Variants in XPO4 observed in about 807,000 individuals in gnomAD.
XPO4 encodes the protein exportin 4.
In XPO4, 39 loss-of-function variants were observed where a neutral mutation model predicts 143.0. That is an observed-to-expected ratio of 0.27 (90% CI 0.21 to 0.36). XPO4 has a LOEUF of 0.36. XPO4 is among the 10% of genes least tolerant of loss of function. The pLI is 1.00. For missense variants in XPO4, 907 were observed against 1,348.0 expected, an observed-to-expected ratio of 0.67 and a Z score of 5.12; for synonymous variants, 439 against 474.0, an observed-to-expected ratio of 0.93 and a Z score of 0.96.
chr13:20,852,096 G>A, intron 4 of XPO4: 2 of 985,342 alleles, frequency 2.0e-6, no homozygotes, highest in Non-Finnish European at 2.4e-6. Context: ...AGGGGGTGAG[G>A]GCAGGCCGCA....
chr13:20,857,490 G>C (rs2060155117), intron 3 of XPO4, among the ~76,000 whole-genome samples: 1 of 152,122 alleles, frequency 6.6e-6, no homozygotes, highest in Admixed American at 6.5e-5. Flanking sequence ...CACTTTGGGA[G>C]GCCAAGGCAG....
intron 1 of XPO4, among the ~76,000 whole-genome samples, chr13:20,890,984 G>GT (rs1357820441): frequency 6.6e-6 from 1 of 151,632 alleles, no homozygotes; most frequent in African/African-American, 2.4e-5. Flanking sequence ...TGGTATGGTG[G>GT]TGCACGCCTG....
chr13:20,875,423 T>G (rs2060341628), intron 1 of XPO4, among the ~76,000 whole-genome samples: 1 of 152,220 alleles, frequency 6.6e-6, no homozygotes, highest in African/African-American at 2.4e-5. Context: ...CTTTCAAATT[T>G]GAAAGATGTC....
chr13:20,786,559 G>A (rs370836421), intron 22 of XPO4, among the ~76,000 whole-genome samples: 2 of 152,018 alleles, frequency 1.3e-5, no homozygotes, highest in East Asian at 1.9e-4. Flanking sequence ...TCTATAATAT[G>A]CAATAAAATA....
Position 20,902,087 on chromosome 13 carries a change from T to A in XPO4, c.69+583A>T, listed in dbSNP as rs2060625360. On this transcript the variant is annotated intron_variant, in intron 1 of 22. Transcript: ENST00000255305. ...TAAGGAGCTTAGCACTAGACCAAGT[T>A]TTGCCCCAATGACCTTGGTCTCAAC... 4 of 985,350 alleles carry A rather than the reference T, an allele frequency of 4.1e-6. No homozygotes were observed. In the South Asian group the frequency reaches 1.4e-4, roughly 35 times the overall value. 61.0% of individuals were successfully genotyped at this position (985,350 alleles called of 1,614,324 possible). A position where few individuals can be genotyped will look rare whatever the true frequency, so the allele number is the denominator to read the frequency against.
At chr13:20,861,771 T>TTC (rs1287854061) in intron 3 of XPO4, among the ~76,000 whole-genome samples, 1,890 of 140,178 alleles carry the variant, frequency 0.013, 124 homozygotes, top group African/African-American at 0.05. Context: ...CCTTGCACAT[T>TTC]TCTCTCTTTT....
At chr13:20,870,033 G>C (rs1397116934) in intron 1 of XPO4, among the ~76,000 whole-genome samples, 1 of 144,518 alleles carries the variant, frequency 6.9e-6, no homozygotes, top group Non-Finnish European at 1.5e-5. Context: ...CCGGGAGGCA[G>C]AGGTTGCAGT....
In XPO4 at chr13:20,782,313, C is replaced by T. The variant is rs1689388445; in HGVS notation, c.*1409G>A. Reference sequence around the variant, plus strand: ...ACCTGTGCCAGAGTCCTCTACCTGTCACTGTGCTGTGAAAGTACTGCAATG... The same window carrying T: ...ACCTGTGCCAGAGTCCTCTACCTGTTACTGTGCTGTGAAAGTACTGCAATG... On this transcript the variant is annotated 3_prime_UTR_variant, in exon 23 of 23. Coordinates refer to ENST00000255305, the MANE Select transcript of XPO4 (RefSeq NM_022459.5). The T allele has an allele frequency of 1.3e-5, 2 of 152,234 alleles. No homozygotes were observed. Among genetic ancestry groups the T allele is most frequent in the African/African-American group, 4.8e-5 (2 of 41,458 alleles). 9.4% of individuals were successfully genotyped at this position (152,234 alleles called of 1,614,324 possible). A position where few individuals can be genotyped will look rare whatever the true frequency, so the allele number is the denominator to read the frequency against.
intron 22 of XPO4, among the ~76,000 whole-genome samples, chr13:20,786,283 G>GTATATA (rs147465636): frequency 7.2e-5 from 10 of 138,286 alleles, no homozygotes; most frequent in African/African-American, 2.2e-4. Context: ...ATGCTGGGAG[G>GTATATA]TATATATATA....
chr13:20,892,982 A>C (rs779288840), intron 1 of XPO4, among the ~76,000 whole-genome samples: 24 of 152,180 alleles, frequency 1.6e-4, no homozygotes, highest in Admixed American at 1.2e-3. Context: ...TGAGAAACTG[A>C]CTACTGAGAG....
At chr13:20,877,726 A>G (rs979260599) in intron 1 of XPO4, among the ~76,000 whole-genome samples, 4 of 152,192 alleles carry the variant, frequency 2.6e-5, no homozygotes, top group Middle Eastern at 6.3e-3. Flanking sequence ...TGCCAAACCT[A>G]ATCCAAACAA....
rs998890617 is a variant in XPO4 at position 20,779,044 on chromosome 13, T to C, written c.*4678A>G. 1 of 152,240 alleles carries C rather than the reference T, an allele frequency of 6.6e-6. No homozygotes were observed. Among genetic ancestry groups the C allele is most frequent in the Non-Finnish European group, 1.5e-5 (1 of 68,042 alleles). 9.4% of individuals were successfully genotyped at this position (152,240 alleles called of 1,614,324 possible). A position where few individuals can be genotyped will look rare whatever the true frequency, so the allele number is the denominator to read the frequency against. On this transcript the variant is annotated 3_prime_UTR_variant, in exon 23 of 23. Coordinates refer to ENST00000255305, the MANE Select transcript of XPO4 (RefSeq NM_022459.5). ...TTCTGAAAAACTAAATGCAATTTTA[T>C]ACCTTCATTAGTTATGTTAATAGAG...
At chr13:20,899,479 C>G (rs1248255987) in intron 1 of XPO4, among the ~76,000 whole-genome samples, 4 of 152,114 alleles carry the variant, frequency 2.6e-5, no homozygotes, top group African/African-American at 9.7e-5. Flanking sequence ...CTCAGTTTCC[C>G]CATCTGTAGC....
intron 13 of XPO4, among the ~76,000 whole-genome samples, chr13:20,807,131 C>G (rs751769696): frequency 1.3e-5 from 2 of 152,144 alleles, no homozygotes; most frequent in Non-Finnish European, 2.9e-5. Flanking sequence ...ATTTAGGGCG[C>G]CTGCATGCAT....
In XPO4 at chr13:20,851,496, C is replaced by G. The variant is rs575050769; in HGVS notation, c.456+4131G>C. ...GGCCAAGGTGGGCAGATTGCTTGAGCCTGGAAGTTTGAGACCAGCTTGGGC... is the reference window on the plus strand; with the variant it reads ...GGCCAAGGTGGGCAGATTGCTTGAGGCTGGAAGTTTGAGACCAGCTTGGGC... On this transcript the variant is annotated intron_variant, in intron 4 of 22. Coordinates refer to ENST00000255305, the MANE Select transcript of XPO4 (RefSeq NM_022459.5). 17 of 931,710 alleles carry G rather than the reference C, an allele frequency of 1.8e-5. 1 individual carries two copies. The African/African-American group carries it at 2.7e-4, about 15-fold the overall frequency. 57.7% of individuals were successfully genotyped at this position (931,710 alleles called of 1,614,324 possible).
intron 9 of XPO4, among the ~76,000 whole-genome samples, chr13:20,820,209 C>T (rs1176666964): frequency 6.6e-6 from 1 of 152,244 alleles, no homozygotes; most frequent in African/African-American, 2.4e-5. Flanking sequence ...CACACATCTG[C>T]TTCTCTGCAA....
intron 10 of XPO4, 58 bp downstream of exon 10, chr13:20,809,733 G>A (rs1428319925): frequency 6.6e-7 from 1 of 1,506,064 alleles, no homozygotes; most frequent in African/African-American, 1.4e-5. Flanking sequence ...TGTGTAACAT[G>A]GTAAAATATA....
At chr13:20,827,569 A>G (rs1011157610) in intron 6 of XPO4, among the ~76,000 whole-genome samples, 1 of 152,224 alleles carries the variant, frequency 6.6e-6, no homozygotes, top group African/African-American at 2.4e-5. Context: ...TGCAACAATT[A>G]ACACCACATA....
chr13:20,866,294 A>T, intron 2 of XPO4: 2 of 984,850 alleles, frequency 2.0e-6, no homozygotes, highest in South Asian at 9.4e-5. Context: ...ATGAAAACAA[A>T]AGGATAAGAA....
Sources: allele counts gnomAD v4.1 joint callset (sites outside exome capture counted in the v4.1 genomes callset), GRCh38; gene constraint gnomAD v4.1.1; transcripts MANE v1.5; gene names NCBI Gene and HGNC (gene_info 2026-07-23, HGNC 2026-07-21).